Variants in TTLL9 observed in about 807,000 individuals in gnomAD.
The protein encoded by TTLL9 is probable tubulin polyglutamylase TTLL9.
In TTLL9, 47 loss-of-function variants were observed where a neutral mutation model predicts 65.6. That is an observed-to-expected ratio of 0.72 (90% CI 0.57 to 0.91). The LOEUF is 0.91. TTLL9 is among the 40% of genes least tolerant of loss of function. The probability of loss-of-function intolerance (pLI) is 0.00; values close to 1 mark genes in which losing one functional copy is unlikely to be tolerated. For missense variants in TTLL9, 537 were observed against 568.8 expected (o/e 0.94, Z 0.57); for synonymous variants, 179 against 204.8 (o/e 0.87, Z 1.07).
chr20:31,893,781 G>T (rs1304741289), intron 3 of TTLL9, among the ~76,000 whole-genome samples: 1 of 151,610 alleles, frequency 6.6e-6, no homozygotes, highest in African/African-American at 2.4e-5. Flanking sequence ...TCTTGGATCT[G>T]TGAGTTGATA....
At chr20:31,917,230 A>T (rs1032001270) in intron 6 of TTLL9, among the ~76,000 whole-genome samples, 1 of 151,974 alleles carries the variant, frequency 6.6e-6, no homozygotes, top group Non-Finnish European at 1.5e-5. Flanking sequence ...GCCCCTTTCC[A>T]CTCACTCACA....
At chr20:31,890,112 T>C (rs1229283520) in intron 3 of TTLL9, among the ~76,000 whole-genome samples, 24 of 58,166 alleles carry the variant, frequency 4.1e-4, no homozygotes, top group South Asian at 1.3e-3. Context: ...CTTCCTTCCT[T>C]CCTTCCTTCC....
chr20:31,924,435 A>G (rs1436782002), intron 8 of TTLL9, among the ~76,000 whole-genome samples: 3 of 150,136 alleles, frequency 2.0e-5, no homozygotes, highest in Non-Finnish European at 3.0e-5. Flanking sequence ...ATCCTGCACC[A>G]CTCTGGGCTG....
At chr20:31,882,257 G>A (rs2063128895) in intron 2 of TTLL9, among the ~76,000 whole-genome samples, 1 of 152,200 alleles carries the variant, frequency 6.6e-6, no homozygotes, top group Non-Finnish European at 1.5e-5. Flanking sequence ...GAGGGCTAAG[G>A]GGAAATGAGG....
At chr20:31,931,415 A>G (rs2064007931) in intron 10 of TTLL9, among the ~76,000 whole-genome samples, 1 of 152,072 alleles carries the variant, frequency 6.6e-6, no homozygotes, top group South Asian at 2.1e-4. Context: ...AGCTGGGACT[A>G]TAGATGCTCG....
At chr20:31,939,107 C>T in intron 13 of TTLL9, 35 bp from the exon 14 acceptor site, 1 of 1,526,830 alleles carries the variant, frequency 6.5e-7, no homozygotes. Flanking sequence ...GCCAGGTGCA[C>T]CTTCATTAAC....
At chr20:31,930,800 A>C (rs2063995396) in intron 10 of TTLL9, among the ~76,000 whole-genome samples, 1 of 151,786 alleles carries the variant, frequency 6.6e-6, no homozygotes, top group Admixed American at 6.6e-5. Context: ...ATTTATTTTG[A>C]TTGTATGTTT....
intron 6 of TTLL9, 48 bp downstream of exon 6, chr20:31,909,970 T>G (rs754526247): frequency 7.0e-6 from 11 of 1,564,302 alleles, no homozygotes. Flanking sequence ...GAGTCCCAGG[T>G]GCCATAGCAG....
chr20:31,873,490 A>C (rs1331455680), intron 2 of TTLL9, among the ~76,000 whole-genome samples: 1 of 151,810 alleles, frequency 6.6e-6, no homozygotes, highest in African/African-American at 2.4e-5. Context: ...CTCTACAAAC[A>C]AACAAACTAA....
At position 31,880,100 on chromosome 20, in the gene TTLL9, G is replaced by C. The variant is rs190047584; in HGVS notation, c.70-7096G>C. On this transcript the variant is annotated intron_variant, in intron 2 of 14. Coordinates refer to ENST00000535842, the MANE Select transcript of TTLL9 (RefSeq NM_001008409.5). ...GAGGAACTCAGAGGAAAGACTACAA[G>C]TCCCGGCATGCACCGCGCCGCCCAA... Among the ~76,000 whole-genome samples the C allele has an allele frequency of 2.6e-3, 403 of 152,248 alleles. 3 individuals are homozygous for C. The highest frequency in any genetic ancestry group is 9.4e-3 in the African/African-American group (392 of 41,544).
Position 31,934,981 on chromosome 20 carries a change from GT to G in TTLL9, c.1004+95del. On this transcript the variant is annotated intron_variant, in intron 12 of 14. Coordinates refer to ENST00000535842, the MANE Select transcript of TTLL9 (RefSeq NM_001008409.5). ...TGAATCCCAGCTCTGCCAATTCCTA[GT>G]TGTATAACCTTGTGCACACTTACAT... The G allele has an allele frequency of 2.4e-6, 3 of 1,240,212 alleles. No individual in the cohort carries two copies. The East Asian group carries it at 7.0e-5, about 29-fold the overall frequency. The allele number at this position is 1,240,212 out of a possible 1,614,324, so 76.8% of individuals were successfully genotyped here.
intron 6 of TTLL9, among the ~76,000 whole-genome samples, chr20:31,912,820 T>C (rs2063677704): frequency 1.3e-5 from 2 of 152,104 alleles, no homozygotes; most frequent in African/African-American, 2.4e-5. Flanking sequence ...CCTCAACTGA[T>C]TAAATGAAGC....
In TTLL9 at chr20:31,934,689, C is replaced by T. The variant is rs367894767; in HGVS notation, c.808-3C>T. 3.4e-5 allele frequency: 55 copies of T among 1,608,348 alleles called. No homozygotes were observed. The highest frequency in any genetic ancestry group is 4.3e-5 in the Non-Finnish European group (51 of 1,177,946). Reference sequence around the variant, plus strand: ...TCTCTCGACCCGGCTGCCCGGGGCCCAGGGCTGCAAGTGGACGCTGCAGCG... The same window carrying T: ...TCTCTCGACCCGGCTGCCCGGGGCCTAGGGCTGCAAGTGGACGCTGCAGCG... On this transcript the variant is annotated splice_polypyrimidine_tract_variant and splice_region_variant and intron_variant, in intron 11 of 14. Transcript: ENST00000535842.
chr20:31,934,278 G>T (rs765373345), intron 11 of TTLL9: 8 of 509,258 alleles, frequency 1.6e-5, no homozygotes, highest in South Asian at 1.2e-4. Context: ...ACACAGGAGA[G>T]CAGGTCCCCA....
chr20:31,897,228 C>A (rs1274177205), intron 3 of TTLL9, among the ~76,000 whole-genome samples: 1 of 152,276 alleles, frequency 6.6e-6, no homozygotes, highest in Non-Finnish European at 1.5e-5. Flanking sequence ...ATTCAAATTA[C>A]CTATTTCATA....
At chr20:31,889,546 C>T (rs2123425468) in intron 3 of TTLL9, among the ~76,000 whole-genome samples, 1 of 151,922 alleles carries the variant, frequency 6.6e-6, no homozygotes. Context: ...CCTCAGCCTC[C>T]CTAGTAGCTG....
Position 31,943,982 on chromosome 20 carries a change from A to G in TTLL9, c.*961A>G, listed in dbSNP as rs2064270718. 5.5e-6 allele frequency: 2 copies of G among 361,054 alleles called. No individual in the cohort carries two copies. The highest frequency in any genetic ancestry group is 1.1e-5 in the Non-Finnish European group (2 of 180,192). The allele number at this position is 361,054 out of a possible 1,614,324, so 22.4% of individuals were successfully genotyped here. On this transcript the variant is annotated 3_prime_UTR_variant, in exon 15 of 15. Transcript: ENST00000535842. ...CTCCCTCTACCACTCCGCCTGCTTC[A>G]GAGTAGTTTCTCTGGCTGCAAATGG...
chr20:31,925,853 T>A (rs2063893954), intron 9 of TTLL9, 196 bp from the exon 10 acceptor site: 1 of 1,549,860 alleles, frequency 6.5e-7, no homozygotes, highest in Non-Finnish European at 8.7e-7. Flanking sequence ...TCTCTCTCTC[T>A]CTTCCCACCT....
At chr20:31,931,656 T>G (rs1054206417) in intron 10 of TTLL9, among the ~76,000 whole-genome samples, 1 of 152,240 alleles carries the variant, frequency 6.6e-6, no homozygotes, top group Non-Finnish European at 1.5e-5. Context: ...CCCTGATGAC[T>G]AATTATACTG....
Sources: allele counts gnomAD v4.1 joint callset (sites outside exome capture counted in the v4.1 genomes callset), GRCh38; gene constraint gnomAD v4.1.1; transcripts MANE v1.5; gene names NCBI Gene and HGNC (gene_info 2026-07-23, HGNC 2026-07-21).